Variants in WNT7A observed in about 807,000 individuals in gnomAD.
WNT7A encodes protein Wnt-7a.
WNT7A carries 16 observed loss-of-function variants against 28.2 expected under a neutral mutation model. The observed-to-expected ratio is 0.57, with a 90% CI of 0.38 to 0.86. The LOEUF (loss-of-function observed/expected upper bound fraction) is 0.86, where lower values mean the gene tolerates loss of function less well. WNT7A is among the 40% of genes least tolerant of loss of function. The pLI is 0.00. For synonymous variants in WNT7A, 190 were observed against 195.9 expected (o/e 0.97, Z 0.25); for missense variants, 411 against 489.7 (o/e 0.84, Z 1.52).
intron 1 of WNT7A, among the ~76,000 whole-genome samples, chr3:13,876,150 G>A (rs185812811): frequency 2.0e-4 from 30 of 152,216 alleles, no homozygotes; most frequent in Non-Finnish European, 3.7e-4. Flanking sequence ...ACAGAACAGA[G>A]ATCTGAATTG....
chr3:13,831,351 C>G (rs1694277774), intron 3 of WNT7A, among the ~76,000 whole-genome samples: 1 of 152,178 alleles, frequency 6.6e-6, no homozygotes, highest in South Asian at 2.1e-4. Context: ...CACAGATGAG[C>G]AGACTGGGGA....
At chr3:13,859,016 T>C (rs1694789337) in intron 2 of WNT7A, among the ~76,000 whole-genome samples, 2 of 152,206 alleles carry the variant, frequency 1.3e-5, no homozygotes, top group Admixed American at 6.5e-5. Flanking sequence ...TGTGTCTAAG[T>C]GAACTGAATT....
At chr3:13,856,969 G>GAGA (rs1264018617) in intron 2 of WNT7A, among the ~76,000 whole-genome samples, 7 of 60,248 alleles carry the variant, frequency 1.2e-4, no homozygotes, top group Admixed American at 3.2e-4. Context: ...GAAGAAGAAG[G>GAGA]AGAAGAAGAA....
At chr3:13,834,674 A>G (rs1246003009) in intron 3 of WNT7A, among the ~76,000 whole-genome samples, 2 of 151,328 alleles carry the variant, frequency 1.3e-5, no homozygotes, top group Non-Finnish European at 2.9e-5. Flanking sequence ...ACTCTTCCCC[A>G]CTCTCCACAT....
intron 3 of WNT7A, among the ~76,000 whole-genome samples, chr3:13,837,769 T>C (rs1694392856): frequency 6.6e-6 from 1 of 152,164 alleles, no homozygotes; most frequent in South Asian, 2.1e-4. Context: ...CTCTGTGCCC[T>C]TGACCACCTC....
At chr3:13,877,778 A>C (rs1054442114) in intron 1 of WNT7A, among the ~76,000 whole-genome samples, 3 of 152,230 alleles carry the variant, frequency 2.0e-5, no homozygotes, top group African/African-American at 7.2e-5. Flanking sequence ...TGAGTGCCCC[A>C]TAAATGTGGT....
intron 3 of WNT7A, among the ~76,000 whole-genome samples, chr3:13,844,747 G>C (rs534132417): frequency 6.6e-6 from 1 of 152,292 alleles, no homozygotes; most frequent in South Asian, 2.1e-4. Flanking sequence ...AGGGACACAG[G>C]TGCACCTGGA....
In WNT7A at chr3:13,837,317, C is replaced by T. The variant is rs986542935; in HGVS notation, c.570+17215G>A. 2.0e-5 allele frequency among the ~76,000 whole-genome samples: 3 copies of T among 152,104 alleles called. No homozygotes were observed. In the South Asian group the frequency reaches 6.2e-4, roughly 32 times the overall value. Reference sequence around the variant, plus strand: ...CTCCGGCTCAGCAACGTAAAGCCACCCTGGATGGCCCCCTCTCCACAGTGC... The same window carrying T: ...CTCCGGCTCAGCAACGTAAAGCCACTCTGGATGGCCCCCTCTCCACAGTGC... On this transcript the variant is annotated intron_variant, in intron 3 of 3. Transcript: ENST00000285018.
intron 3 of WNT7A, among the ~76,000 whole-genome samples, chr3:13,834,504 AT>A (rs1479483771): frequency 6.6e-6 from 1 of 151,736 alleles, no homozygotes; most frequent in Non-Finnish European, 1.5e-5. Context: ...TCCTCCAGGC[AT>A]CCCCTGCTGC....
Position 13,854,807 on chromosome 3 carries a change from C to G in WNT7A, c.299-4G>C, listed in dbSNP as rs768911587. ...GTGAACGCAGCCTCCCGGCTCCCTG[C>G]GAGGAGGAGAGAAGAGGAGACAAGT... is the stretch of plus-strand genomic sequence containing the variant. On this transcript the variant is annotated splice_region_variant and splice_polypyrimidine_tract_variant and intron_variant, in intron 2 of 3. Coordinates refer to ENST00000285018, the MANE Select transcript of WNT7A (RefSeq NM_004625.4). The G allele has an allele frequency of 2.5e-6, 4 of 1,611,694 alleles. No individual in the cohort carries two copies. The highest frequency in any genetic ancestry group is 3.4e-6 in the Non-Finnish European group (4 of 1,180,038).
intron 2 of WNT7A, among the ~76,000 whole-genome samples, chr3:13,857,078 A>G (rs1386186147): frequency 3.3e-5 from 5 of 152,218 alleles, no homozygotes. Flanking sequence ...CAGGGGAGCC[A>G]TGGGGCACAG....
At chr3:13,837,607 C>T (rs538741898) in intron 3 of WNT7A, among the ~76,000 whole-genome samples, 63 of 152,256 alleles carry the variant, frequency 4.1e-4, no homozygotes, top group Non-Finnish European at 7.2e-4. Flanking sequence ...GCCATTCTTT[C>T]ATGGTGGGTT....
At chr3:13,824,172 C>T (rs909663575) in intron 3 of WNT7A, among the ~76,000 whole-genome samples, 3 of 152,162 alleles carry the variant, frequency 2.0e-5, no homozygotes, top group African/African-American at 7.2e-5. Context: ...CAGAATTGTA[C>T]CACTATCATT....
intron 1 of WNT7A, among the ~76,000 whole-genome samples, chr3:13,879,237 G>A (rs1695167386): frequency 6.6e-6 from 1 of 152,220 alleles, no homozygotes; most frequent in Non-Finnish European, 1.5e-5. Flanking sequence ...TTCCTCCTGG[G>A]TACCTGTTCC....
intron 3 of WNT7A, among the ~76,000 whole-genome samples, chr3:13,847,484 C>T (rs1472583119): frequency 6.6e-6 from 1 of 152,152 alleles, no homozygotes; most frequent in Admixed American, 6.5e-5. Context: ...ATTAAATGCC[C>T]ACAGAAGAGA....
intron 3 of WNT7A, among the ~76,000 whole-genome samples, chr3:13,834,905 G>T (rs1338501338): frequency 6.6e-6 from 1 of 152,258 alleles, no homozygotes; most frequent in Non-Finnish European, 1.5e-5. Flanking sequence ...ATCCCCTGCT[G>T]TGTCCCCAGC....
rs1694929914 is a variant in WNT7A, at chr3:13,867,525, A to T, written c.298+7422T>A. ...ACGGAGGTGGACACACTTTCTTTCA[A>T]GGGTGCCAAGGACCCAATGAAGTGA... On this transcript the variant is annotated intron_variant, in intron 2 of 3. Transcript: ENST00000285018. 2.0e-5 allele frequency among the ~76,000 whole-genome samples: 3 copies of T among 152,192 alleles called. No homozygotes were observed. In the South Asian group the frequency reaches 6.2e-4, roughly 31 times the overall value.
At chr3:13,833,371 G>A (rs59383278) in intron 3 of WNT7A, among the ~76,000 whole-genome samples, 6,051 of 151,956 alleles carry the variant, frequency 0.04, 314 homozygotes, top group South Asian at 0.24. Flanking sequence ...GCACACAAGC[G>A]CACACACACA....
At chr3:13,825,003 T>C (rs1005423899) in intron 3 of WNT7A, among the ~76,000 whole-genome samples, 1 of 152,070 alleles carries the variant, frequency 6.6e-6, no homozygotes, top group Admixed American at 6.5e-5. Context: ...GCAAGGTCCG[T>C]GGTTAAGAGA....
Sources: allele counts gnomAD v4.1 joint callset (sites outside exome capture counted in the v4.1 genomes callset), GRCh38; gene constraint gnomAD v4.1.1; transcripts MANE v1.5; gene names NCBI Gene and HGNC (gene_info 2026-07-23, HGNC 2026-07-21).